RBFOX1: variants seen among roughly 807,000 people sequenced by gnomAD.
The protein encoded by RBFOX1 is RNA binding protein fox-1 homolog 1.
A neutral mutation model predicts 57.7 loss-of-function variants in RBFOX1; 8 were observed. That is an observed-to-expected ratio of 0.14 (90% CI 0.08 to 0.25). The LOEUF (loss-of-function observed/expected upper bound fraction) is 0.25. Ranked by LOEUF, RBFOX1 falls within the 10% of genes least tolerant of loss-of-function variation. The pLI is 1.00. For missense variants in RBFOX1, 611 were observed against 548.5 expected (o/e 1.11, Z -1.14); for synonymous variants, 326 against 222.4 (o/e 1.47, Z -4.15).
At chr16:7,211,977 C>G (rs1447174353) in intron 4 of RBFOX1, among the ~76,000 whole-genome samples, 2 of 152,182 alleles carry the variant, frequency 1.3e-5, no homozygotes, top group African/African-American at 2.4e-5. Flanking sequence ...CACCCCTTCT[C>G]ACTCCCATCA....
At chr16:5,313,307 A>C (rs1215941539) in intron 1 of RBFOX1, among the ~76,000 whole-genome samples, 1 of 152,142 alleles carries the variant, frequency 6.6e-6, no homozygotes, top group African/African-American at 2.4e-5. Flanking sequence ...TGAGGAGAGC[A>C]AGGACCAGGT....
chr16:6,105,565 G>A (rs555853299), intron 1 of RBFOX1, among the ~76,000 whole-genome samples: 1 of 152,036 alleles, frequency 6.6e-6, no homozygotes, highest in Admixed American at 6.6e-5. Context: ...GCAGCCAAAT[G>A]TCTCCTAAAC....
intron 1 of RBFOX1, among the ~76,000 whole-genome samples, chr16:5,332,144 G>C (rs945853077): frequency 3.3e-5 from 5 of 151,966 alleles, no homozygotes; most frequent in African/African-American, 1.2e-4. Context: ...TTTCTCCTTG[G>C]CTTCTCTTGA....
chr16:6,783,875 T>C (rs1189029861), intron 3 of RBFOX1, among the ~76,000 whole-genome samples: 3 of 152,180 alleles, frequency 2.0e-5, no homozygotes, highest in African/African-American at 7.2e-5. Flanking sequence ...AGAAAGTCTT[T>C]ACTTCTCCAC....
chr16:5,610,109 C>T (rs2047722435), intron 3 of RBFOX1, among the ~76,000 whole-genome samples: 1 of 152,150 alleles, frequency 6.6e-6, no homozygotes. Context: ...GTACCTCCTG[C>T]CACTGGGAGG....
chr16:5,336,677 TGAAA>T (rs1195271392), intron 1 of RBFOX1, among the ~76,000 whole-genome samples: 1 of 152,164 alleles, frequency 6.6e-6, no homozygotes, highest in Non-Finnish European at 1.5e-5. Flanking sequence ...TTCATGAAGC[TGAAA>T]GAAGAGAGTG....
rs114537772 is a variant in RBFOX1, at chr16:7,433,005, A to T, written c.28-85142A>T. ...TGGAGGGAAACAGGGAAGGAGGTTT[A>T]TATCTTGTAGCCCCCAGCAAATGCC... is the stretch of plus-strand genomic sequence containing the variant. On this transcript the variant is annotated intron_variant, in intron 4 of 15. Coordinates refer to ENST00000550418, the MANE Select transcript of RBFOX1 (RefSeq NM_018723.4). Among the ~76,000 whole-genome samples the T allele has an allele frequency of 7.9e-3, 1,206 of 152,300 alleles. 12 individuals carry two copies. The highest frequency in any genetic ancestry group is 0.028 in the African/African-American group (1,146 of 41,558).
chr16:7,589,855 C>G (rs1468533974), intron 7 of RBFOX1, among the ~76,000 whole-genome samples: 2 of 151,148 alleles, frequency 1.3e-5, no homozygotes, highest in South Asian at 4.2e-4. Flanking sequence ...TCTTGCCTTT[C>G]ATTCTCTAGA....
At chr16:7,025,700 C>G (rs944088249) in intron 3 of RBFOX1, among the ~76,000 whole-genome samples, 1 of 152,066 alleles carries the variant, frequency 6.6e-6, no homozygotes, top group African/African-American at 2.4e-5. Flanking sequence ...GCCTCTGGAG[C>G]CTGCCGCACT....
At chr16:7,100,173 G>C (rs987403843) in intron 4 of RBFOX1, among the ~76,000 whole-genome samples, 1 of 152,048 alleles carries the variant, frequency 6.6e-6, no homozygotes. Flanking sequence ...AAACAAAATT[G>C]AAGTTGAAAG....
At chr16:6,692,251 C>G (rs971000420) in intron 3 of RBFOX1, among the ~76,000 whole-genome samples, 3 of 152,082 alleles carry the variant, frequency 2.0e-5, no homozygotes, top group Non-Finnish European at 4.4e-5. Context: ...GTAAGATCAC[C>G]CAGGGAGTAA....
At chr16:5,651,238 A>C (rs776380055) in intron 3 of RBFOX1, among the ~76,000 whole-genome samples, 16 of 151,372 alleles carry the variant, frequency 1.1e-4, no homozygotes, top group Non-Finnish European at 1.9e-4. Context: ...TTTTTAGTAG[A>C]GACAGGGTTT....
intron 4 of RBFOX1, among the ~76,000 whole-genome samples, chr16:7,370,318 G>T (rs1026414321): frequency 3.3e-5 from 5 of 152,172 alleles, no homozygotes; most frequent in Non-Finnish European, 7.3e-5. Flanking sequence ...ATGTTATCTA[G>T]GTTGGTCTTT....
At chr16:5,427,259 G>T (rs900762970) in intron 1 of RBFOX1, among the ~76,000 whole-genome samples, 30 of 152,310 alleles carry the variant, frequency 2.0e-4, no homozygotes, top group African/African-American at 6.3e-4. Flanking sequence ...TAAGGAATTG[G>T]CTCATGCAGT....
chr16:7,622,821 T>C (rs1276233540), intron 10 of RBFOX1, among the ~76,000 whole-genome samples: 2 of 152,176 alleles, frequency 1.3e-5, no homozygotes, highest in African/African-American at 2.4e-5. Flanking sequence ...AATGGAAATA[T>C]CCCTATACTT....
At chr16:6,410,299 G>A (rs1187799427) in intron 2 of RBFOX1, among the ~76,000 whole-genome samples, 2 of 142,200 alleles carry the variant, frequency 1.4e-5, no homozygotes, top group Admixed American at 7.3e-5. Context: ...GATGACCTAG[G>A]GTTCTTTTTT....
At chr16:7,455,241 T>C (rs1488519348) in intron 4 of RBFOX1, among the ~76,000 whole-genome samples, 3 of 152,216 alleles carry the variant, frequency 2.0e-5, no homozygotes, top group African/African-American at 7.2e-5. Flanking sequence ...GGTGGTTTTA[T>C]TTCCTTTGTA....
intron 3 of RBFOX1, among the ~76,000 whole-genome samples, chr16:6,749,308 G>C (rs536668306): frequency 1.3e-5 from 2 of 152,260 alleles, no homozygotes; most frequent in East Asian, 1.9e-4. Context: ...TTAAATGAGA[G>C]AACAGATGCA....
intron 4 of RBFOX1, among the ~76,000 whole-genome samples, chr16:5,966,216 G>T (rs981035780): frequency 2.6e-5 from 4 of 152,082 alleles, no homozygotes; most frequent in African/African-American, 9.7e-5. Context: ...GAAATAGAAC[G>T]TGACTGGCTA....
Sources: gnomAD v4.1 joint callset for allele counts (sites outside exome capture counted in the v4.1 genomes callset) on GRCh38, gnomAD v4.1.1 for gene constraint, MANE v1.5 for transcripts, NCBI Gene and HGNC (gene_info 2026-07-23, HGNC 2026-07-21) for gene names.